The following SLCO1B1 variants were observed in gnomAD, a reference collection of about 807,000 sequenced individuals.
SLCO1B1 encodes OATP-2.
In SLCO1B1, 81 loss-of-function variants were observed where a neutral mutation model predicts 70.1. The observed-to-expected ratio is 1.16, with a 90% confidence interval of 0.97 to 1.39. The LOEUF is 1.39. SLCO1B1 is among the 40% of genes most tolerant of loss of function. SLCO1B1 has a pLI of 0.00. For missense variants in SLCO1B1, 895 were observed against 799.6 expected, an observed-to-expected ratio of 1.12 and a Z score of -1.44; for synonymous variants, 283 against 271.5, an observed-to-expected ratio of 1.04 and a Z score of -0.42.
At chr12:21,200,937 A>C (rs1311804238) in intron 9 of SLCO1B1, among the ~76,000 whole-genome samples, 1 of 152,126 alleles carries the variant, frequency 6.6e-6, no homozygotes, top group Non-Finnish European at 1.5e-5. Context: ...GTATCTGTAT[A>C]ATTGGATCTT....
intron 11 of SLCO1B1, among the ~76,000 whole-genome samples, chr12:21,210,928 T>A (rs1941275993): frequency 6.6e-6 from 1 of 152,142 alleles, no homozygotes; most frequent in Non-Finnish European, 1.5e-5. Flanking sequence ...GAGACTTTGC[T>A]GAAGTTGCTT....
intron 1 of SLCO1B1, among the ~76,000 whole-genome samples, chr12:21,132,248 A>G (rs879409217): frequency 2.0e-5 from 3 of 152,090 alleles, no homozygotes; most frequent in Non-Finnish European, 4.4e-5. Flanking sequence ...TTGGACATTT[A>G]GGTTGGTTCC....
chr12:21,142,424 C>A (rs1239744504), intron 2 of SLCO1B1, among the ~76,000 whole-genome samples: 1 of 151,880 alleles, frequency 6.6e-6, no homozygotes, highest in Admixed American at 6.6e-5. Context: ...CAAGACAAAG[C>A]CTTTAAATCC....
rs566594653 is a variant in SLCO1B1 at position 21,133,669 on chromosome 12, T to C, written c.-62+2433T>C. On this transcript the variant is annotated intron_variant, in intron 1 of 14. Transcript: ENST00000256958. ...GGTGTATAAGAATGCTTGTGATTTT[T>C]ATACATTGATTTTGTATTCTGAGAC... Among the ~76,000 whole-genome samples, 134 of 152,312 alleles carry C rather than the reference T, an allele frequency of 8.8e-4. 3 individuals carry two copies. In the South Asian group the frequency reaches 0.027, roughly 31 times the overall value.
chr12:21,169,707 A>T (rs1237490876), intron 2 of SLCO1B1, among the ~76,000 whole-genome samples: 1 of 151,530 alleles, frequency 6.6e-6, no homozygotes, highest in African/African-American at 2.4e-5. Context: ...GGCAATTCCT[A>T]TATCTTCATT....
At chr12:21,200,799 A>G in intron 9 of SLCO1B1, 127 bp downstream of exon 9, 3 of 735,400 alleles carry the variant, frequency 4.1e-6, no homozygotes, top group Non-Finnish European at 6.3e-6. Flanking sequence ...ATTTTCTTGT[A>G]TTCTTTCTCA....
chr12:21,135,825 C>T (rs1170854578), intron 1 of SLCO1B1, among the ~76,000 whole-genome samples: 4 of 152,124 alleles, frequency 2.6e-5, no homozygotes, highest in Admixed American at 1.3e-4. Flanking sequence ...CAGCATTTAG[C>T]CCATTTACAT....
chr12:21,173,292 T>G (rs577647432), intron 3 of SLCO1B1, among the ~76,000 whole-genome samples: 48 of 152,340 alleles, frequency 3.2e-4, no homozygotes, highest in African/African-American at 1.1e-3. Context: ...ATTTCTCCAA[T>G]AACAGCTCAG....
intron 11 of SLCO1B1, among the ~76,000 whole-genome samples, chr12:21,209,094 C>T (rs1356964289): frequency 6.6e-6 from 1 of 151,696 alleles, no homozygotes; most frequent in African/African-American, 2.4e-5. Flanking sequence ...TTTTAGGGTA[C>T]ATGTGCACAT....
At chr12:21,189,324 A>G (rs1941000576) in intron 7 of SLCO1B1, among the ~76,000 whole-genome samples, 1 of 152,040 alleles carries the variant, frequency 6.6e-6, no homozygotes, top group South Asian at 2.1e-4. Flanking sequence ...AAAAGAGTGG[A>G]GTTGTGCTTT....
intron 2 of SLCO1B1, among the ~76,000 whole-genome samples, chr12:21,145,794 TATAA>T (rs1940375211): frequency 2.0e-5 from 3 of 152,288 alleles, no homozygotes; most frequent in Admixed American, 1.3e-4. Flanking sequence ...CCTTGATTCT[TATAA>T]ATATTATATT....
intron 14 of SLCO1B1, among the ~76,000 whole-genome samples, chr12:21,234,624 GCT>G (rs1941577190): frequency 1.3e-5 from 2 of 152,080 alleles, no homozygotes; most frequent in African/African-American, 2.4e-5. Context: ...GGTTAGGTCA[GCT>G]CTCTTTCAGT....
chr12:21,208,280 G>A (rs1591820796), intron 11 of SLCO1B1, among the ~76,000 whole-genome samples: 1 of 151,990 alleles, frequency 6.6e-6, no homozygotes, highest in East Asian at 1.9e-4. Flanking sequence ...TTACATTTCA[G>A]TCTGTAATAC....
At chr12:21,194,405 T>TTTA (rs922817292) in intron 7 of SLCO1B1, among the ~76,000 whole-genome samples, 15 of 151,784 alleles carry the variant, frequency 9.9e-5, no homozygotes, top group Admixed American at 3.3e-4. Flanking sequence ...ATTTTAATTA[T>TTTA]TTATTATTAT....
rs1195483939 is a variant in SLCO1B1 at position 21,197,144 on chromosome 12, C to T, written c.926C>T (p.Ala309Val). 3 of 1,613,244 alleles carry T rather than the reference C, an allele frequency of 1.9e-6. No individual in the cohort carries two copies. The highest frequency in any genetic ancestry group is 1.1e-5 in the South Asian group (1 of 91,050). The change falls in exon 8 of 15, where the codon GCT (alanine) becomes GTT (valine). Residue 309 changes from alanine to valine, a missense_variant. Transcript: ENST00000256958. Reference sequence around the variant, plus strand: ...ACAAATGATGAAAAGGATCAAACAGCTAATTTGACCAATCAAGGAAAAAAT... The same window carrying T: ...ACAAATGATGAAAAGGATCAAACAGTTAATTTGACCAATCAAGGAAAAAAT... ...LETNDEKDQT[A>V]NLTNQGKNIT... is the part of the protein sequence containing the mutation.
intron 2 of SLCO1B1, among the ~76,000 whole-genome samples, chr12:21,169,690 T>C (rs1227519416): frequency 6.6e-6 from 1 of 152,208 alleles, no homozygotes; most frequent in Non-Finnish European, 1.5e-5. Flanking sequence ...TTTCAAGTTC[T>C]ATGTCTGGCA....
At chr12:21,211,905 A>G (rs1941291598) in intron 11 of SLCO1B1, among the ~76,000 whole-genome samples, 1 of 150,032 alleles carries the variant, frequency 6.7e-6, no homozygotes, top group South Asian at 2.1e-4. Context: ...ATCGGTGGTG[A>G]TATCCCCTTT....
intron 7 of SLCO1B1, among the ~76,000 whole-genome samples, chr12:21,184,984 A>G (rs556957732): frequency 6.6e-6 from 1 of 152,312 alleles, no homozygotes; most frequent in South Asian, 2.1e-4. Flanking sequence ...TAAAACAGAC[A>G]TTAAACCAAA....
chr12:21,237,034 T>C (rs1941602843), intron 14 of SLCO1B1, among the ~76,000 whole-genome samples: 1 of 152,202 alleles, frequency 6.6e-6, no homozygotes, highest in African/African-American at 2.4e-5. Context: ...TGACTACTGA[T>C]GTTGTGAGAC....
Sources: gnomAD v4.1 joint callset for allele counts (sites outside exome capture counted in the v4.1 genomes callset) on GRCh38, gnomAD v4.1.1 for gene constraint, MANE v1.5 for transcripts, NCBI Gene and HGNC (gene_info 2026-07-23, HGNC 2026-07-21) for gene names.